The following PEBP4 variants were observed in gnomAD, a reference collection of about 807,000 sequenced individuals.
PEBP4 encodes the protein phosphatidylethanolamine binding protein 4, also known as phosphatidylethanolamine-binding protein 4.
A neutral mutation model predicts 23.9 loss-of-function variants in PEBP4; 22 were observed. The observed-to-expected ratio is 0.92, with a 90% CI of 0.66 to 1.31. The LOEUF is 1.31. Among genes scored for constraint, PEBP4 ranks in the 40% most tolerant of loss-of-function variants. PEBP4 has a pLI of 0.00. For synonymous variants in PEBP4, 112 were observed against 99.3 expected, an observed-to-expected ratio of 1.13 and a Z score of -0.76; for missense variants, 324 against 281.7, an observed-to-expected ratio of 1.15 and a Z score of -1.07.
chr8:22,819,663 G>T (rs1448226039), intron 3 of PEBP4, among the ~76,000 whole-genome samples: 1 of 152,204 alleles, frequency 6.6e-6, no homozygotes, highest in Non-Finnish European at 1.5e-5. Context: ...CAGGAGTGCA[G>T]TGGTGTGATC....
At chr8:22,847,221 C>T (rs766478054) in intron 3 of PEBP4, among the ~76,000 whole-genome samples, 4 of 152,154 alleles carry the variant, frequency 2.6e-5, no homozygotes, top group Non-Finnish European at 4.4e-5. Flanking sequence ...GGTCAGGGGC[C>T]CTGGGGCAGC....
chr8:22,861,542 C>T (rs1807778455), intron 3 of PEBP4, among the ~76,000 whole-genome samples: 1 of 152,216 alleles, frequency 6.6e-6, no homozygotes, highest in East Asian at 1.9e-4. Context: ...CAATCCTATG[C>T]TATTCTCCTG....
intron 3 of PEBP4, among the ~76,000 whole-genome samples, chr8:22,917,363 C>T (rs1429253238): frequency 6.6e-6 from 1 of 152,168 alleles, no homozygotes; most frequent in Non-Finnish European, 1.5e-5. Flanking sequence ...CAGTCATGCC[C>T]TCTCCCTTAA....
chr8:22,797,271 A>AAC (rs1806281673), intron 4 of PEBP4, among the ~76,000 whole-genome samples: 2 of 145,696 alleles, frequency 1.4e-5, no homozygotes, highest in African/African-American at 2.5e-5. Flanking sequence ...AAAAAAAAAA[A>AAC]AGACAGAAAG....
At chr8:22,901,002 G>C (rs62492983) in intron 3 of PEBP4, among the ~76,000 whole-genome samples, 7,156 of 152,300 alleles carry the variant, frequency 0.047, 215 homozygotes, top group Non-Finnish European at 0.066. Flanking sequence ...GATGACAGGA[G>C]GATGATAAAA....
At chr8:22,871,552 A>AT (rs35759089) in intron 3 of PEBP4, among the ~76,000 whole-genome samples, 78,639 of 115,306 alleles carry the variant, frequency 0.68, 26,953 homozygotes, top group South Asian at 0.81. Context: ...GATTTCTGGG[A>AT]TTTTTTTTTT....
chr8:22,781,701 C>T (rs1423517346), intron 4 of PEBP4, among the ~76,000 whole-genome samples: 2 of 152,236 alleles, frequency 1.3e-5, no homozygotes, highest in African/African-American at 4.8e-5. Context: ...GAAAACCAGA[C>T]TCCTTGCCTG....
chr8:22,745,661 C>G (rs573438378), intron 4 of PEBP4: 1 of 152,324 alleles, frequency 6.6e-6, no homozygotes. Context: ...CCTGGGACTA[C>G]AGCCATTTGT....
At chr8:22,799,169 C>T (rs969446106) in intron 4 of PEBP4, among the ~76,000 whole-genome samples, 1 of 152,196 alleles carries the variant, frequency 6.6e-6, no homozygotes. Flanking sequence ...GATCCCTCTC[C>T]TCCTTTCCTT....
Position 22,740,662 on chromosome 8 carries a change from C to T in PEBP4, c.358-13442G>A, listed in dbSNP as rs144874669. 4.1e-3 allele frequency among the ~76,000 whole-genome samples: 631 copies of T among 152,274 alleles called. 1 individual carries two copies. The highest frequency in any genetic ancestry group is 6.9e-3 in the Admixed American group (105 of 15,298). Reference sequence around the variant, plus strand: ...TCTGAGCCCCGGTTCCTGATGGTACCTCCTTTCCTGTTCCTTCTGGAGACC... The same window carrying T: ...TCTGAGCCCCGGTTCCTGATGGTACTTCCTTTCCTGTTCCTTCTGGAGACC... On this transcript the variant is annotated intron_variant, in intron 4 of 6. Coordinates refer to ENST00000256404, the MANE Select transcript of PEBP4 (RefSeq NM_144962.3).
chr8:22,740,133 T>C (rs922885539), intron 4 of PEBP4, among the ~76,000 whole-genome samples: 1 of 152,116 alleles, frequency 6.6e-6, no homozygotes, highest in African/African-American at 2.4e-5. Context: ...TGGGGCTGCT[T>C]TGTGAACAGA....
At chr8:22,920,927 C>T (rs539497654) in intron 2 of PEBP4, among the ~76,000 whole-genome samples, 3 of 152,348 alleles carry the variant, frequency 2.0e-5, no homozygotes, top group Non-Finnish European at 2.9e-5. Context: ...AACACTGGCT[C>T]ACTAAGACTG....
chr8:22,930,307 C>G (rs1183092829), upstream of PEBP4, among the ~76,000 whole-genome samples: 2 of 152,178 alleles, frequency 1.3e-5, no homozygotes, highest in African/African-American at 4.8e-5. Context: ...GAAACTTGCT[C>G]TTTCCCCTAG....
At chr8:22,717,949 C>T (rs552030905) in intron 6 of PEBP4, among the ~76,000 whole-genome samples, 32 of 152,102 alleles carry the variant, frequency 2.1e-4, no homozygotes, top group East Asian at 3.9e-4. Flanking sequence ...GATGTCCCGG[C>T]GGTGGTAGGC....
chr8:22,786,824 C>CT (rs112542901), intron 4 of PEBP4, among the ~76,000 whole-genome samples: 2,215 of 142,350 alleles, frequency 0.016, 25 homozygotes, highest in African/African-American at 0.033. Flanking sequence ...CCCCCTACCG[C>CT]TTTTTTTTTT....
intron 4 of PEBP4, among the ~76,000 whole-genome samples, chr8:22,814,253 A>G (rs1030379905): frequency 6.6e-6 from 1 of 152,244 alleles, no homozygotes; most frequent in African/African-American, 2.4e-5. Context: ...AATTCAAACC[A>G]CAGCAGTCTG....
intron 2 of PEBP4, among the ~76,000 whole-genome samples, chr8:22,921,618 G>A (rs1809202969): frequency 1.3e-5 from 2 of 152,226 alleles, no homozygotes; most frequent in Non-Finnish European, 2.9e-5. Context: ...CACTTCGGTG[G>A]GCCAGCGCCC....
chr8:22,741,948 G>A (rs898040215), intron 4 of PEBP4, among the ~76,000 whole-genome samples: 2 of 152,200 alleles, frequency 1.3e-5, no homozygotes, highest in African/African-American at 2.4e-5. Flanking sequence ...ACAGCAGAGG[G>A]AGGGACCCAA....
chr8:22,793,739 C>A lies in PEBP4; in HGVS notation c.357+23898G>T, dbSNP rs1806187436. 4.6e-5 allele frequency among the ~76,000 whole-genome samples: 7 copies of A among 152,238 alleles called. No homozygotes were observed. In the South Asian group the frequency reaches 1.2e-3, roughly 27 times the overall value. ...CCATAATAATTTCCTTAATAATTAT[C>A]TAATACATAACACGCCCTGCCTTAT... is the stretch of plus-strand genomic sequence containing the variant. On this transcript the variant is annotated intron_variant, in intron 4 of 6. Coordinates refer to ENST00000256404, the MANE Select transcript of PEBP4 (RefSeq NM_144962.3).
Sources: allele counts gnomAD v4.1 joint callset (sites outside exome capture counted in the v4.1 genomes callset), GRCh38; gene constraint gnomAD v4.1.1; transcripts MANE v1.5; gene names NCBI Gene and HGNC (gene_info 2026-07-23, HGNC 2026-07-21).